The following IL22RA2 variants were observed in gnomAD, a reference collection of about 807,000 sequenced individuals.
The protein encoded by IL22RA2 is interleukin 22 receptor subunit alpha 2, also known as interleukin-22 receptor subunit alpha-2.
Under a neutral mutation model 30.7 loss-of-function variants are expected in IL22RA2, and 39 were observed. The observed-to-expected ratio is 1.27, with a 90% CI of 0.98 to 1.66. IL22RA2 has a LOEUF of 1.66. Among genes scored for constraint, IL22RA2 ranks in the 40% most tolerant of loss-of-function variants. The pLI is 0.00. For synonymous variants in IL22RA2, 103 were observed against 105.0 expected, an observed-to-expected ratio of 0.98 and a Z score of 0.11; for missense variants, 315 against 312.7, an observed-to-expected ratio of 1.01 and a Z score of -0.05.
At chr6:137,172,764 C>T (rs1019102911) in intron 1 of IL22RA2, among the ~76,000 whole-genome samples, 1 of 152,190 alleles carries the variant, frequency 6.6e-6, no homozygotes, top group African/African-American at 2.4e-5. Context: ...AGATTTGATT[C>T]TCTTCTTCCT....
intron 3 of IL22RA2, among the ~76,000 whole-genome samples, chr6:137,157,072 C>T (rs1778421771): frequency 6.6e-6 from 1 of 152,170 alleles, no homozygotes; most frequent in Admixed American, 6.5e-5. Context: ...ACTTCCAACA[C>T]CACCACACTA....
intron 1 of IL22RA2, among the ~76,000 whole-genome samples, chr6:137,167,859 C>G (rs991446972): frequency 6.6e-6 from 1 of 152,192 alleles, no homozygotes; most frequent in East Asian, 1.9e-4. Context: ...GAGGAAACAT[C>G]GAGCCCTGTT....
chr6:137,168,277 C>T (rs147808134), intron 1 of IL22RA2, among the ~76,000 whole-genome samples: 12 of 152,258 alleles, frequency 7.9e-5, no homozygotes, highest in East Asian at 3.9e-4. Context: ...ATCCTGGAAA[C>T]GGGCAGCCCC....
intron 4 of IL22RA2, among the ~76,000 whole-genome samples, chr6:137,155,753 T>C (rs890497473): frequency 1.3e-5 from 2 of 152,168 alleles, no homozygotes; most frequent in African/African-American, 4.8e-5. Context: ...CCTAAAGTGC[T>C]GTCTTGCTGG....
intron 5 of IL22RA2, among the ~76,000 whole-genome samples, chr6:137,154,664 G>A (rs573196005): frequency 3.9e-5 from 6 of 151,990 alleles, no homozygotes; most frequent in Non-Finnish European, 8.8e-5. Context: ...AATTGATGGA[G>A]TGGAGGCTCT....
intron 6 of IL22RA2, among the ~76,000 whole-genome samples, chr6:137,147,331 G>A (rs1049650076): frequency 6.6e-6 from 1 of 150,660 alleles, no homozygotes; most frequent in Non-Finnish European, 1.5e-5. Context: ...CTGTACTCCA[G>A]CCTGGGTGAC....
chr6:137,156,739 G>C lies in IL22RA2; in HGVS notation c.293+20C>G. On this transcript the variant is annotated intron_variant, in intron 4 of 6. Coordinates refer to ENST00000296980, the MANE Select transcript of IL22RA2 (RefSeq NM_052962.3). The stretch of plus-strand genomic sequence containing the variant: ...ACAGAACACCTGAGGCTAGGTAATT[G>C]ATAAGGAAAAGAGGTGTACTTAGCC... 1 of 1,607,370 alleles carries C rather than the reference G, an allele frequency of 6.2e-7. No homozygotes were observed.
At chr6:137,156,936 A>T in intron 3 of IL22RA2, 82 bp from the exon 4 acceptor site, 1 of 1,540,724 alleles carries the variant, frequency 6.5e-7, no homozygotes, top group Non-Finnish European at 8.9e-7. Context: ...AACCACTCTC[A>T]TAGAAACATT....
intron 5 of IL22RA2, among the ~76,000 whole-genome samples, chr6:137,149,820 T>C (rs1778253335): frequency 1.3e-5 from 2 of 152,214 alleles, no homozygotes; most frequent in Admixed American, 6.5e-5. Context: ...TCTTCTTCAA[T>C]ATATTGGTTA....
chr6:137,152,610 A>C (rs1374904074), intron 5 of IL22RA2, among the ~76,000 whole-genome samples: 1 of 152,210 alleles, frequency 6.6e-6, no homozygotes, highest in African/African-American at 2.4e-5. Flanking sequence ...TGAGGTGATA[A>C]AAATGTTCTA....
intron 5 of IL22RA2, among the ~76,000 whole-genome samples, chr6:137,149,364 C>G (rs1778242125): frequency 6.6e-6 from 1 of 152,168 alleles, no homozygotes; most frequent in Non-Finnish European, 1.5e-5. Context: ...CAAAACCAAA[C>G]TCATAATCTC....
At chr6:137,157,413 T>A (rs996849479) in intron 3 of IL22RA2, among the ~76,000 whole-genome samples, 6 of 152,192 alleles carry the variant, frequency 3.9e-5, no homozygotes, top group Admixed American at 1.3e-4. Context: ...CATTTTACAA[T>A]CGCTACATAA....
At chr6:137,162,980 C>A (rs1402797747) in intron 1 of IL22RA2, among the ~76,000 whole-genome samples, 1 of 152,124 alleles carries the variant, frequency 6.6e-6, no homozygotes, top group Non-Finnish European at 1.5e-5. Context: ...GACCCCCCAC[C>A]TTACACTCAA....
At chr6:137,149,926 A>G (rs1582877387) in intron 5 of IL22RA2, among the ~76,000 whole-genome samples, 1 of 152,032 alleles carries the variant, frequency 6.6e-6, no homozygotes, top group Non-Finnish European at 1.5e-5. Flanking sequence ...TGATCCTCCT[A>G]CCTCGGCCTC....
chr6:137,165,074 T>A (rs909577200), intron 1 of IL22RA2, among the ~76,000 whole-genome samples: 2 of 152,174 alleles, frequency 1.3e-5, no homozygotes, highest in South Asian at 4.1e-4. Flanking sequence ...TCAGGCAGTA[T>A]ACACAACAAG....
rs1778417291 is a variant in IL22RA2, at chr6:137,156,854, G to A, written c.198C>T (p.Ile66=). The change falls in exon 4 of 7, where the codon ATC becomes ATT. Residue 66 remains isoleucine (I), a splice_region_variant and synonymous_variant. Coordinates refer to ENST00000296980, the MANE Select transcript of IL22RA2 (RefSeq NM_052962.3). The stretch of plus-strand genomic sequence containing the variant: ...AGCTTTTCATGCTGCATGAGAACAT[G>A]CTAGAGAAGGTCAATGGGGAAAACA... ...NSSVYFVQYK[I]MFSCSMKSSH... The A allele has an allele frequency of 6.2e-7, 1 of 1,610,666 alleles. No individual in the cohort carries two copies. Among genetic ancestry groups the A allele is most frequent in the Admixed American group, 1.7e-5 (1 of 59,946 alleles).
At chr6:137,161,523 C>G (rs1158372776) in intron 2 of IL22RA2, among the ~76,000 whole-genome samples, 166 bp downstream of exon 2, 1 of 152,182 alleles carries the variant, frequency 6.6e-6, no homozygotes, top group Non-Finnish European at 1.5e-5. Context: ...TGGGGTCATT[C>G]AAGCTGCAGA....
chr6:137,155,668 T>C (rs182343835), intron 4 of IL22RA2, among the ~76,000 whole-genome samples: 3 of 152,086 alleles, frequency 2.0e-5, no homozygotes, highest in African/African-American at 7.2e-5. Context: ...AAGTCCCACC[T>C]CTCAACATTG....
intron 1 of IL22RA2, among the ~76,000 whole-genome samples, chr6:137,164,322 G>A (rs28746185): frequency 0.017 from 2,564 of 152,176 alleles, 29 homozygotes; most frequent in Non-Finnish European, 0.026. Context: ...AGAACAGCCC[G>A]GGCACCTGGA....
Sources: allele counts gnomAD v4.1 joint callset (sites outside exome capture counted in the v4.1 genomes callset), GRCh38; gene constraint gnomAD v4.1.1; transcripts MANE v1.5; gene names NCBI Gene and HGNC (gene_info 2026-07-23, HGNC 2026-07-21).